The following PPARGC1A variants were observed in gnomAD, a reference collection of about 807,000 sequenced individuals.
PPARGC1A encodes peroxisome proliferator-activated receptor gamma coactivator 1-alpha.
Under a neutral mutation model 88.7 loss-of-function variants are expected in PPARGC1A, and 25 were observed. The observed-to-expected ratio is 0.28, with a 90% CI of 0.21 to 0.39. PPARGC1A has a LOEUF of 0.39. Among genes scored for constraint, PPARGC1A ranks in the 10% least tolerant of loss-of-function variants. The pLI is 1.00. For missense variants in PPARGC1A, 880 were observed against 968.7 expected, an observed-to-expected ratio of 0.91 and a Z score of 1.22; for synonymous variants, 363 against 355.6, an observed-to-expected ratio of 1.02 and a Z score of -0.24.
chr4:24,303,154 C>T, the PPARGC1A span, among the ~76,000 whole-genome samples: 1 of 152,178 alleles, frequency 6.6e-6, no homozygotes, highest in Admixed American at 6.5e-5. Context: ...CAGCTTAAAT[C>T]CTCACAAAGA....
intron 4 of PPARGC1A, among the ~76,000 whole-genome samples, chr4:23,829,126 A>G (rs1724539172): frequency 6.6e-6 from 1 of 152,208 alleles, no homozygotes; most frequent in Non-Finnish European, 1.5e-5. Context: ...AGCTAGCAAA[A>G]CAGCAATTCT....
At chr4:24,215,038 T>C in the PPARGC1A span, among the ~76,000 whole-genome samples, 1 of 152,132 alleles carries the variant, frequency 6.6e-6, no homozygotes, top group Non-Finnish European at 1.5e-5. Flanking sequence ...AGAATCTTAA[T>C]CACCATTGAA....
At chr4:24,143,306 C>A in the PPARGC1A span, among the ~76,000 whole-genome samples, 610 of 151,940 alleles carry the variant, frequency 4.0e-3, 2 homozygotes, top group Non-Finnish European at 6.5e-3. Context: ...CCTGACCTTC[C>A]AATAGGGGAG....
Position 23,814,347 on chromosome 4 carries a change from C to T in PPARGC1A, c.1136G>A (p.Arg379Gln), listed in dbSNP as rs776211303. Residue 379 changes from arginine (R) to glutamine (Q), a missense_variant, in exon 8 of 13, where the codon CGG (arginine) becomes CAG (glutamine). Coordinates refer to ENST00000264867, the MANE Select transcript of PPARGC1A (RefSeq NM_013261.5). ...GCAATAGTCATGGTCACCAAACAGCCGCAGACTGGGCCGCTTGGTCTTCCT... is the reference window on the plus strand; with the variant it reads ...GCAATAGTCATGGTCACCAAACAGCTGCAGACTGGGCCGCTTGGTCTTCCT... The part of the protein sequence containing the change: ...EERKTKRPSL[R>Q]LFGDHDYCQS... 1.7e-5 allele frequency: 27 copies of T among 1,613,846 alleles called. No homozygotes were observed. The highest frequency in any genetic ancestry group is 2.0e-5 in the Non-Finnish European group (24 of 1,179,990).
chr4:24,444,879 C>G, the PPARGC1A span, among the ~76,000 whole-genome samples: 1 of 152,076 alleles, frequency 6.6e-6, no homozygotes, highest in African/African-American at 2.4e-5. Flanking sequence ...CATGGTGAAC[C>G]CTGTCTCTAG....
chr4:24,053,929 C>T, the PPARGC1A span, among the ~76,000 whole-genome samples: 1 of 152,176 alleles, frequency 6.6e-6, no homozygotes, highest in East Asian at 1.9e-4. Flanking sequence ...CATAGCCAAC[C>T]AAACCTCTGG....
chr4:24,156,193 C>T, the PPARGC1A span, among the ~76,000 whole-genome samples: 1 of 152,152 alleles, frequency 6.6e-6, no homozygotes, highest in Non-Finnish European at 1.5e-5. Flanking sequence ...CCTCCTGGTT[C>T]AGTATGTATT....
the PPARGC1A span, among the ~76,000 whole-genome samples, chr4:24,393,816 T>C: frequency 2.0e-5 from 3 of 152,224 alleles, no homozygotes; most frequent in East Asian, 5.8e-4. Flanking sequence ...GAATAATTTA[T>C]GGCATAAAAA....
chr4:24,431,104 G>A, the PPARGC1A span, among the ~76,000 whole-genome samples: 40 of 117,388 alleles, frequency 3.4e-4, no homozygotes, highest in Non-Finnish European at 1.3e-4. Flanking sequence ...CAGCCTGGGA[G>A]ACAGAGCAAG....
chr4:24,103,910 G>T, the PPARGC1A span, among the ~76,000 whole-genome samples: 2 of 152,292 alleles, frequency 1.3e-5, no homozygotes, highest in East Asian at 1.9e-4. Flanking sequence ...TTTCAGCCGG[G>T]CCCGTCAGGC....
chr4:24,160,827 A>G, the PPARGC1A span, among the ~76,000 whole-genome samples: 4 of 152,298 alleles, frequency 2.6e-5, no homozygotes, highest in East Asian at 5.8e-4. Flanking sequence ...ATTTAGAAAT[A>G]TGCTTTGAAC....
At chr4:24,280,165 G>A in the PPARGC1A span, among the ~76,000 whole-genome samples, 3 of 152,098 alleles carry the variant, frequency 2.0e-5, no homozygotes, top group Admixed American at 1.3e-4. Context: ...AGAGCAACTC[G>A]ACAGTCCAAA....
At chr4:24,369,169 G>T in the PPARGC1A span, among the ~76,000 whole-genome samples, 2 of 152,144 alleles carry the variant, frequency 1.3e-5, no homozygotes, top group African/African-American at 4.8e-5. Flanking sequence ...TGAGAACATG[G>T]ATAACGGTCA....
chr4:24,317,626 A>C, the PPARGC1A span, among the ~76,000 whole-genome samples: 2 of 149,080 alleles, frequency 1.3e-5, no homozygotes, highest in East Asian at 4.0e-4. Flanking sequence ...GGCCCTAAAA[A>C]ATTGCAGTGG....
the PPARGC1A span, among the ~76,000 whole-genome samples, chr4:24,450,601 G>A: frequency 6.6e-6 from 1 of 152,020 alleles, no homozygotes; most frequent in South Asian, 2.1e-4. Flanking sequence ...AAAAAAGGTG[G>A]GGGGATCTAA....
chr4:24,039,844 GCCACCA>G, the PPARGC1A span, among the ~76,000 whole-genome samples: 3 of 152,088 alleles, frequency 2.0e-5, no homozygotes, highest in African/African-American at 7.2e-5. Context: ...AGCCACTGCT[GCCACCA>G]CCACCACCAC....
At chr4:24,130,230 ATC>A in the PPARGC1A span, among the ~76,000 whole-genome samples, 1 of 152,186 alleles carries the variant, frequency 6.6e-6, no homozygotes, top group South Asian at 2.1e-4. Context: ...CTGCCTTGTG[ATC>A]TAATGCTCAC....
the PPARGC1A span, among the ~76,000 whole-genome samples, chr4:24,128,540 G>GTGTGTGTGTGTGTC: frequency 1.1e-3 from 91 of 80,184 alleles, no homozygotes; most frequent in African/African-American, 4.7e-3. Context: ...CAGTGTGTGT[G>GTGTGTGTGTGTGTC]TGTGTGTGTG....
intron 2 of PPARGC1A, among the ~76,000 whole-genome samples, chr4:23,839,160 T>C (rs1726584570): frequency 6.6e-6 from 1 of 152,202 alleles, no homozygotes; most frequent in Non-Finnish European, 1.5e-5. Context: ...TCCATCCTTA[T>C]TGATTTGCTT....
Sources: gnomAD v4.1 joint callset for allele counts (sites outside exome capture counted in the v4.1 genomes callset) on GRCh38, gnomAD v4.1.1 for gene constraint, MANE v1.5 for transcripts, NCBI Gene and HGNC (gene_info 2026-07-23, HGNC 2026-07-21) for gene names.